KIAA0586: variants seen among roughly 807,000 people sequenced by gnomAD.
KIAA0586 encodes protein TALPID3.
In KIAA0586, 144 loss-of-function variants were observed where a neutral mutation model predicts 169.8. That is an observed-to-expected ratio of 0.85 (90% CI 0.74 to 0.97). The LOEUF (loss-of-function observed/expected upper bound fraction) is 0.97. KIAA0586 is among the 50% of genes least tolerant of loss of function. KIAA0586 has a pLI of 0.00. For missense variants in KIAA0586, 1,854 were observed against 1,823.0 expected (o/e 1.02, Z -0.31); for synonymous variants, 625 against 612.4 (o/e 1.02, Z -0.30).
In KIAA0586 at chr14:58,487,120, G is replaced by A. The variant is rs932709207; in HGVS notation, c.3258G>A (p.Ser1086=). ...VKTPDSSPCD[S]DHDMAFPVKE... is the part of the protein sequence containing the mutation. The stretch of plus-strand genomic sequence containing the variant: ...CTCCAGATTCTTCTCCCTGTGATTC[G>A]GATCATGATATGGCTTTTCCTGTGA... The change falls in exon 22 of 31, where the codon TCG becomes TCA. Residue 1086 remains serine (S), a synonymous_variant. Coordinates refer to ENST00000652326, the MANE Select transcript of KIAA0586 (RefSeq NM_001329943.3). 12 of 1,613,390 alleles carry A rather than the reference G, an allele frequency of 7.4e-6. No individual in the cohort carries two copies. Among genetic ancestry groups the A allele is most frequent in the Admixed American group, 5.0e-5 (3 of 59,974 alleles).
At chr14:58,449,445 C>G (rs1459447524) in intron 7 of KIAA0586, among the ~76,000 whole-genome samples, 2 of 152,144 alleles carry the variant, frequency 1.3e-5, no homozygotes, top group Admixed American at 6.6e-5. Flanking sequence ...CGGAGGATTG[C>G]CTGAGCCCAG....
At chr14:58,500,609 G>A (rs2043496209) in intron 27 of KIAA0586, among the ~76,000 whole-genome samples, 1 of 151,910 alleles carries the variant, frequency 6.6e-6, no homozygotes, top group Admixed American at 6.6e-5. Context: ...GGAAGCTGAG[G>A]CAGAAGAATT....
At chr14:58,494,089 ATTCT>A (rs765896504) in intron 26 of KIAA0586, among the ~76,000 whole-genome samples, 16 of 151,086 alleles carry the variant, frequency 1.1e-4, no homozygotes, top group South Asian at 4.2e-4. Flanking sequence ...ATTTATCTTC[ATTCT>A]TTCTTTCTCT....
chr14:58,518,018 G>A (rs2044888950), intron 29 of KIAA0586, among the ~76,000 whole-genome samples: 1 of 152,100 alleles, frequency 6.6e-6, no homozygotes, highest in Non-Finnish European at 1.5e-5. Flanking sequence ...TTTCCATTTT[G>A]ATGGAAATAT....
intron 9 of KIAA0586, among the ~76,000 whole-genome samples, chr14:58,455,847 A>G (rs779047535): frequency 5.3e-5 from 8 of 152,170 alleles, no homozygotes; most frequent in Non-Finnish European, 7.4e-5. Flanking sequence ...TCTCTTGGGC[A>G]TGTACATAGC....
At chr14:58,522,639 A>G (rs1481118613) in intron 29 of KIAA0586, among the ~76,000 whole-genome samples, 1 of 152,204 alleles carries the variant, frequency 6.6e-6, no homozygotes, top group Non-Finnish European at 1.5e-5. Flanking sequence ...TCCTTATTAA[A>G]CCAGGAAAAA....
chr14:58,491,923 G>A (rs113207472), intron 25 of KIAA0586, among the ~76,000 whole-genome samples: 1 of 152,082 alleles, frequency 6.6e-6, no homozygotes, highest in Admixed American at 6.6e-5. Flanking sequence ...AGTTTATGTT[G>A]TACCAAATTA....
Position 58,458,511 on chromosome 14 carries a change from A to T in KIAA0586, c.1622A>T (p.Asp541Val). Residue 541 changes from aspartate (D) to valine (V), a missense_variant, in exon 12 of 31, where the codon GAT (aspartate) becomes GTT (valine). Asp to Val is a radical substitution (Grantham distance 152, BLOSUM62 -3). Coordinates refer to ENST00000652326, the MANE Select transcript of KIAA0586 (RefSeq NM_001329943.3). ...SEKIRIRKTVDEWIKTISAEI... is the reference protein window; with the variant it reads ...SEKIRIRKTVVEWIKTISAEI... Reference sequence around the variant, plus strand: ...AAAATTAGGATCAGAAAGACAGTGGATGAATGGATTAAAACTATTTCTGCA... The same window carrying T: ...AAAATTAGGATCAGAAAGACAGTGGTTGAATGGATTAAAACTATTTCTGCA... 1 of 1,545,718 alleles carries T rather than the reference A, an allele frequency of 6.5e-7. No homozygotes were observed. The highest frequency in any genetic ancestry group is 8.7e-7 in the Non-Finnish European group (1 of 1,142,948).
intron 29 of KIAA0586, among the ~76,000 whole-genome samples, chr14:58,539,184 GC>G (rs1416539159): frequency 6.6e-6 from 1 of 152,134 alleles, no homozygotes; most frequent in African/African-American, 2.4e-5. Flanking sequence ...CCATATCATT[GC>G]ATAAGACAGG....
chr14:58,431,913 G>A (rs144133606), intron 3 of KIAA0586, among the ~76,000 whole-genome samples: 237 of 152,200 alleles, frequency 1.6e-3, no homozygotes, highest in African/African-American at 5.1e-3. Context: ...ATTTTTGTAC[G>A]TTGATTTTGT....
At chr14:58,441,411 G>T (rs144313200) in intron 4 of KIAA0586, 84 of 314,968 alleles carry the variant, frequency 2.7e-4, no homozygotes, top group Non-Finnish European at 5.0e-4. Flanking sequence ...ATGTTGCCCA[G>T]GCTGGTCTCG....
intron 28 of KIAA0586, among the ~76,000 whole-genome samples, chr14:58,510,096 C>T (rs1239323150): frequency 6.6e-6 from 1 of 152,172 alleles, no homozygotes; most frequent in East Asian, 1.9e-4. Context: ...CTTAGCTGGG[C>T]GTGGTGGCTC....
chr14:58,555,095 C>CT (rs375867068), downstream of KIAA0586, among the ~76,000 whole-genome samples: 228 of 113,418 alleles, frequency 2.0e-3, 1 homozygote, highest in African/African-American at 7.1e-3. Flanking sequence ...CTTTTTCTTT[C>CT]TTTCTTTTTT....
intron 4 of KIAA0586, among the ~76,000 whole-genome samples, chr14:58,434,998 A>G (rs1046924332): frequency 1.3e-5 from 2 of 152,060 alleles, no homozygotes; most frequent in African/African-American, 4.8e-5. Flanking sequence ...TATATTGCCC[A>G]GGCTGGTCTC....
chr14:58,460,505 A>G (rs1401878988), intron 13 of KIAA0586, among the ~76,000 whole-genome samples: 1 of 152,162 alleles, frequency 6.6e-6, no homozygotes, highest in East Asian at 1.9e-4. Context: ...TGCTGTAACT[A>G]GGCTATAAGT....
rs373882617 is a variant in KIAA0586, at chr14:58,429,349, C to A, written c.200-14C>A. On this transcript the variant is annotated splice_polypyrimidine_tract_variant and intron_variant, in intron 1 of 30. Coordinates refer to ENST00000652326, the MANE Select transcript of KIAA0586 (RefSeq NM_001329943.3). The stretch of plus-strand genomic sequence containing the variant: ...ATTTTAAAATCACTAAAATCTATTC[C>A]TTTGTTTTGTTAGGTTCATCAGACT... 1.6e-4 allele frequency: 236 copies of A among 1,514,354 alleles called. No individual in the cohort carries two copies. The African/African-American group carries it at 3.0e-3, about 20-fold the overall frequency. 93.8% of individuals were successfully genotyped at this position (1,514,354 alleles called of 1,614,324 possible). A position where few individuals can be genotyped will look rare whatever the true frequency, so the allele number is the denominator to read the frequency against.
At chr14:58,447,311 C>T (rs1037730606) in intron 6 of KIAA0586, among the ~76,000 whole-genome samples, 6 of 151,962 alleles carry the variant, frequency 3.9e-5, no homozygotes, top group African/African-American at 1.4e-4. Context: ...TCATTGCATG[C>T]CTGTATCAAA....
chr14:58,484,890 TTATATATA>T (rs2042278433), intron 21 of KIAA0586, among the ~76,000 whole-genome samples: 3 of 32,284 alleles, frequency 9.3e-5, no homozygotes, highest in Admixed American at 5.7e-4. Flanking sequence ...ATATATATAT[TTATATATA>T]TATATATATA....
intron 3 of KIAA0586, 34 bp from the exon 4 acceptor site, chr14:58,432,354 A>C (rs1405761811): frequency 1.6e-6 from 2 of 1,258,768 alleles, no homozygotes; most frequent in Non-Finnish European, 2.2e-6. Context: ...ATATTCAGGA[A>C]TTTAATATAT....
Sources: gnomAD v4.1 joint callset for allele counts (sites outside exome capture counted in the v4.1 genomes callset) on GRCh38, gnomAD v4.1.1 for gene constraint, MANE v1.5 for transcripts, NCBI Gene and HGNC (gene_info 2026-07-23, HGNC 2026-07-21) for gene names.